Variants in TM9SF4 observed in about 807,000 individuals in gnomAD.
The protein encoded by TM9SF4 is dinucleotide oxidase disulfide thiol exchanger 3 superfamily member 4.
In TM9SF4, 26 loss-of-function variants were observed where a neutral mutation model predicts 90.4. The ratio of observed to expected loss-of-function variants is 0.29; its 90% CI spans 0.21 to 0.40. TM9SF4 has a LOEUF of 0.40. TM9SF4 is among the 10% of genes least tolerant of loss of function. The pLI, the probability that TM9SF4 is intolerant of heterozygous loss-of-function variation, is 1.00. For synonymous variants in TM9SF4, 293 were observed against 315.4 expected (o/e 0.93, Z 0.75); for missense variants, 549 against 834.8 (o/e 0.66, Z 4.22).
rs1054093893 is a variant in TM9SF4 at position 32,110,098 on chromosome 20, C to T, written c.15+343C>T. On this transcript the variant is annotated intron_variant, in intron 1 of 17. Transcript: ENST00000398022. Reference sequence around the variant, plus strand: ...CCTGACCCCTCTGAAGACCCCCTCCCGTTATTCTCATCCTTGCTCCTCCCC... The same window carrying T: ...CCTGACCCCTCTGAAGACCCCCTCCTGTTATTCTCATCCTTGCTCCTCCCC... 6.9e-6 allele frequency: 8 copies of T among 1,167,578 alleles called. No homozygotes were observed. The East Asian group carries it at 1.4e-4, about 20-fold the overall frequency. 72.3% of individuals were successfully genotyped at this position (1,167,578 alleles called of 1,614,324 possible).
rs1016856309 is a variant in TM9SF4, at chr20:32,127,532, C to A, written c.16-5481C>A. Reference sequence around the variant, plus strand: ...ACTTGGTAAGTGGAAAGAAGGAACCCGGTCTGTCACTGTGCCTTGTGCTTA... The same window carrying A: ...ACTTGGTAAGTGGAAAGAAGGAACCAGGTCTGTCACTGTGCCTTGTGCTTA... On this transcript the variant is annotated intron_variant, in intron 1 of 17. Transcript: ENST00000398022. Among the ~76,000 whole-genome samples, 12 of 152,116 alleles carry A rather than the reference C, an allele frequency of 7.9e-5. 1 individual carries two copies. Among genetic ancestry groups the A allele is most frequent in the Admixed American group, 7.2e-4 (11 of 15,272 alleles).
intron 17 of TM9SF4, 46 bp downstream of exon 17, chr20:32,161,411 A>G (rs755292517): frequency 6.3e-7 from 1 of 1,579,754 alleles, no homozygotes. Context: ...ATAGGGTAGG[A>G]AGGTCAGGAG....
At chr20:32,110,391 TCTTAGGGAC>T (rs2046125652) in intron 1 of TM9SF4, among the ~76,000 whole-genome samples, 1 of 152,074 alleles carries the variant, frequency 6.6e-6, no homozygotes, top group Admixed American at 6.6e-5. Context: ...CCTGCCCCTC[TCTTAGGGAC>T]CTTTTACCCT....
At chr20:32,121,237 G>T (rs1346788988) in intron 1 of TM9SF4, among the ~76,000 whole-genome samples, 1 of 148,544 alleles carries the variant, frequency 6.7e-6, no homozygotes, top group African/African-American at 2.5e-5. Flanking sequence ...TCATTCTTGG[G>T]TGTTTCTCAC....
intron 2 of TM9SF4, 151 bp downstream of exon 2, chr20:32,133,277 T>A: frequency 1.6e-6 from 1 of 619,164 alleles, no homozygotes; most frequent in Non-Finnish European, 2.8e-6. Flanking sequence ...CCTGTGCCTC[T>A]GGTTCTCGGT....
At chr20:32,149,606 C>A (rs1289942726) in intron 9 of TM9SF4, 28 bp from the exon 10 acceptor site, 1 of 1,614,182 alleles carries the variant, frequency 6.2e-7, no homozygotes, top group Admixed American at 1.7e-5. Flanking sequence ...TCTTCAACAA[C>A]CAGCCTCACT....
rs568686747 is a variant in TM9SF4 at position 32,124,056 on chromosome 20, G to C, written c.16-8957G>C. 2.6e-5 allele frequency among the ~76,000 whole-genome samples: 4 copies of C among 151,752 alleles called. No homozygotes were observed. The South Asian group carries it at 6.2e-4, about 24-fold the overall frequency. ...TTTTAAATAATTTTGTAGAGACAAG[G>C]TCTCACTATTTTGTCCAGGCTGTTC... On this transcript the variant is annotated intron_variant, in intron 1 of 17. Coordinates refer to ENST00000398022, the MANE Select transcript of TM9SF4 (RefSeq NM_014742.4).
At chr20:32,124,358 A>C (rs1384474729) in intron 1 of TM9SF4, among the ~76,000 whole-genome samples, 1 of 152,218 alleles carries the variant, frequency 6.6e-6, no homozygotes, top group Admixed American at 6.5e-5. Context: ...GGAGAAAAAT[A>C]AGCAGTTCAT....
At chr20:32,117,995 T>G (rs1452012795) in intron 1 of TM9SF4, among the ~76,000 whole-genome samples, 1 of 152,140 alleles carries the variant, frequency 6.6e-6, no homozygotes, top group East Asian at 1.9e-4. Flanking sequence ...AAAAGAAAAT[T>G]TAAAGGAATT....
chr20:32,136,638 GTCAAA>G (rs1271144471), intron 3 of TM9SF4, among the ~76,000 whole-genome samples: 1 of 152,212 alleles, frequency 6.6e-6, no homozygotes, highest in Non-Finnish European at 1.5e-5. Flanking sequence ...CAGGACTCAT[GTCAAA>G]TAATGTGTGA....
At chr20:32,149,001 A>G (rs2046803639) in intron 9 of TM9SF4, among the ~76,000 whole-genome samples, 1 of 152,218 alleles carries the variant, frequency 6.6e-6, no homozygotes, top group Admixed American at 6.5e-5. Context: ...TACAATGTCA[A>G]GCTTTTATTG....
rs1326160841 is a variant in TM9SF4 at position 32,133,182 on chromosome 20, C to G, written c.129+56C>G. 4.0e-6 allele frequency: 6 copies of G among 1,517,658 alleles called. No individual in the cohort carries two copies. In the East Asian group the frequency reaches 1.4e-4, roughly 34 times the overall value. The allele number at this position is 1,517,658 out of a possible 1,614,324, so 94.0% of individuals were successfully genotyped here. On this transcript the variant is annotated intron_variant, in intron 2 of 17. Transcript: ENST00000398022. Reference sequence around the variant, plus strand: ...TGTGCTAGGCAGTGTGTCTGGAGCACCATGGTGAGCTGTTCGTGTCCATCC... The same window carrying G: ...TGTGCTAGGCAGTGTGTCTGGAGCAGCATGGTGAGCTGTTCGTGTCCATCC...
At chr20:32,138,173 C>T (rs1441682535) in intron 3 of TM9SF4, among the ~76,000 whole-genome samples, 4 of 152,270 alleles carry the variant, frequency 2.6e-5, no homozygotes, top group East Asian at 1.9e-4. Context: ...TCCAGAAAGG[C>T]CCATAGGGCT....
chr20:32,163,803 G>T (rs549261168), intron 17 of TM9SF4, among the ~76,000 whole-genome samples: 6 of 151,938 alleles, frequency 3.9e-5, no homozygotes, highest in Non-Finnish European at 7.4e-5. Context: ...CAGAGACAGG[G>T]TTTCTCCATG....
rs777940018 is a variant in TM9SF4, at chr20:32,143,036, G to A, written c.583G>A (p.Glu195Lys). Residue 195 changes from glutamate to lysine, a missense_variant, in exon 6 of 18, where the codon GAA becomes AAA. Physicochemically the swap from Glu to Lys is moderately conservative, Grantham distance 56. Coordinates refer to ENST00000398022, the MANE Select transcript of TM9SF4 (RefSeq NM_014742.4). Reference protein sequence around the residue: ...FILYYHREDMEEDQEHTYRVV... With the variant: ...FILYYHREDMKEDQEHTYRVV... ...CCTTTACTATCATCGGGAGGACATG[G>A]AAGAGGACCAGGAGCACACGTACCG... The A allele has an allele frequency of 1.2e-6, 2 of 1,614,010 alleles. No homozygotes were observed. The highest frequency in any genetic ancestry group is 3.3e-5 in the Admixed American group (2 of 60,018).
At chr20:32,156,650 A>T (rs1569104327) in intron 13 of TM9SF4, among the ~76,000 whole-genome samples, 2 of 152,204 alleles carry the variant, frequency 1.3e-5, no homozygotes, top group African/African-American at 4.8e-5. Context: ...TCTGTTGCTC[A>T]GGCTGGAGTG....
chr20:32,109,953 C>T, intron 1 of TM9SF4, 198 bp downstream of exon 1: 1 of 1,414,746 alleles, frequency 7.1e-7, no homozygotes, highest in South Asian at 1.5e-5. Flanking sequence ...TGTGAAGGCC[C>T]CGAGTTTTGG....
intron 13 of TM9SF4, among the ~76,000 whole-genome samples, chr20:32,156,231 A>G (rs1308034358): frequency 6.6e-6 from 1 of 152,196 alleles, no homozygotes; most frequent in Non-Finnish European, 1.5e-5. Context: ...AACACTTTAT[A>G]TATATATTTC....
intron 16 of TM9SF4, 143 bp downstream of exon 16, chr20:32,160,254 C>A: frequency 8.2e-7 from 1 of 1,212,494 alleles, no homozygotes. Context: ...CAGTACGTTG[C>A]TGTGCCTCTC....
Sources: allele counts gnomAD v4.1 joint callset (sites outside exome capture counted in the v4.1 genomes callset), GRCh38; gene constraint gnomAD v4.1.1; transcripts MANE v1.5; gene names NCBI Gene and HGNC (gene_info 2026-07-23, HGNC 2026-07-21).